The following MAP3K1 variants were observed in gnomAD, a reference collection of about 807,000 sequenced individuals.
The protein encoded by MAP3K1 is MAP/ERK kinase kinase 1.
A neutral mutation model predicts 144.2 loss-of-function variants in MAP3K1; 36 were observed. That is an observed-to-expected ratio of 0.25 (90% CI 0.19 to 0.33). MAP3K1 has a LOEUF of 0.33. Among genes scored for constraint, MAP3K1 ranks in the 10% least tolerant of loss-of-function variants. The probability of loss-of-function intolerance (pLI) is 1.00; values close to 1 mark genes in which losing one functional copy is unlikely to be tolerated. For missense variants in MAP3K1, 1,650 were observed against 1,881.9 expected, an observed-to-expected ratio of 0.88 and a Z score of 2.28; for synonymous variants, 718 against 688.7, an observed-to-expected ratio of 1.04 and a Z score of -0.67.
chr5:56,865,232 A>T, intron 4 of MAP3K1, 108 bp from the exon 5 acceptor site: 2 of 736,538 alleles, frequency 2.7e-6, no homozygotes, highest in Non-Finnish European at 4.8e-6. Context: ...ATATGAATTA[A>T]TAGAAACTTT....
At chr5:56,884,059 G>T (rs2111952764) in intron 15 of MAP3K1, among the ~76,000 whole-genome samples, 1 of 152,216 alleles carries the variant, frequency 6.6e-6, no homozygotes, top group Non-Finnish European at 1.5e-5. Flanking sequence ...TGAGACAGAA[G>T]AATTGCTTGA....
At position 56,815,757 on chromosome 5, in the gene MAP3K1, C is replaced by T. The variant is rs1192199995; in HGVS notation, c.184C>T (p.Leu62=). 5 of 1,377,770 alleles carry T rather than the reference C, an allele frequency of 3.6e-6. No homozygotes were observed. The highest frequency in any genetic ancestry group is 1.5e-5 in the African/African-American group (1 of 67,138). The allele number at this position is 1,377,770 out of a possible 1,614,324, so 85.3% of individuals were successfully genotyped here. A position where few individuals can be genotyped will look rare whatever the true frequency, so the allele number is the denominator to read the frequency against. ...GCGGGCGGACTGGCGGCGGCGGCAGCTGCGCAAAGTGCGGAGTGTGGAGCT... is the reference window on the plus strand; with the variant it reads ...GCGGGCGGACTGGCGGCGGCGGCAGTTGCGCAAAGTGCGGAGTGTGGAGCT... ...RERADWRRRQ[L]RKVRSVELDQ... is the part of the protein sequence containing the mutation. Residue 62 remains leucine, a synonymous_variant, in exon 1 of 20, where the codon CTG becomes TTG. Coordinates refer to ENST00000399503, the MANE Select transcript of MAP3K1 (RefSeq NM_005921.2).
At chr5:56,844,099 T>C (rs920701733) in intron 1 of MAP3K1, among the ~76,000 whole-genome samples, 5 of 151,560 alleles carry the variant, frequency 3.3e-5, no homozygotes, top group Admixed American at 6.6e-5. Flanking sequence ...CTGTGATAAA[T>C]AAAGCCAACT....
chr5:56,848,156 A>G (rs1169158294), intron 1 of MAP3K1, among the ~76,000 whole-genome samples: 2 of 152,074 alleles, frequency 1.3e-5, no homozygotes, highest in Non-Finnish European at 2.9e-5. Flanking sequence ...GATACTGACT[A>G]GTAGCTCTCT....
chr5:56,886,166 G>C, intron 17 of MAP3K1, 103 bp downstream of exon 17: 1 of 873,522 alleles, frequency 1.1e-6, no homozygotes, highest in Non-Finnish European at 1.9e-6. Flanking sequence ...TACTTTGGGA[G>C]GTGAAGGCAG....
At chr5:56,870,125 T>A (rs1433353056) in intron 6 of MAP3K1, among the ~76,000 whole-genome samples, 1 of 152,114 alleles carries the variant, frequency 6.6e-6, no homozygotes, top group Non-Finnish European at 1.5e-5. Context: ...AAATTAGAAT[T>A]AAAAAAATTA....
At chr5:56,860,698 C>T (rs1253811907) in intron 3 of MAP3K1, among the ~76,000 whole-genome samples, 1 of 151,926 alleles carries the variant, frequency 6.6e-6, no homozygotes, top group Non-Finnish European at 1.5e-5. Flanking sequence ...ACTAAAAATA[C>T]AGAAATTAGC....
At position 56,841,694 on chromosome 5, in the gene MAP3K1, C is replaced by T. The variant is rs184097972; in HGVS notation, c.483-14906C>T. Reference sequence around the variant, plus strand: ...AGGAATAATATTGATGTGGCAGTGGCGATAAATGAATTGTATGTTCACACT... The same window carrying T: ...AGGAATAATATTGATGTGGCAGTGGTGATAAATGAATTGTATGTTCACACT... On this transcript the variant is annotated intron_variant, in intron 1 of 19. Transcript: ENST00000399503. 6.0e-3 allele frequency among the ~76,000 whole-genome samples: 916 copies of T among 152,228 alleles called. 4 individuals carry two copies. Among genetic ancestry groups the T allele is most frequent in the Non-Finnish European group, 9.3e-3 (632 of 68,018 alleles).
At chr5:56,887,735 T>C (rs1748426964) in intron 18 of MAP3K1, 4 of 556,214 alleles carry the variant, frequency 7.2e-6, no homozygotes, top group South Asian at 6.1e-5. Context: ...TAGATTTACT[T>C]AACGGCTGTT....
At chr5:56,835,720 A>G in intron 1 of MAP3K1, among the ~76,000 whole-genome samples, 1 of 151,842 alleles carries the variant, frequency 6.6e-6, no homozygotes, top group East Asian at 1.9e-4. Flanking sequence ...TTTTAAGATA[A>G]AAAGGGGGGG....
chr5:56,890,232 A>G (rs1479110253), intron 19 of MAP3K1, among the ~76,000 whole-genome samples: 2 of 152,174 alleles, frequency 1.3e-5, no homozygotes, highest in Non-Finnish European at 1.5e-5. Context: ...ACTCATGGCT[A>G]GGATCAATTT....
At chr5:56,831,740 A>G (rs576500186) in intron 1 of MAP3K1, among the ~76,000 whole-genome samples, 3 of 152,292 alleles carry the variant, frequency 2.0e-5, no homozygotes, top group African/African-American at 7.2e-5. Flanking sequence ...TTGACCTCAC[A>G]AGAGTTAAGG....
intron 6 of MAP3K1, among the ~76,000 whole-genome samples, chr5:56,866,596 G>C (rs561180540): frequency 6.6e-6 from 1 of 152,136 alleles, no homozygotes; most frequent in East Asian, 1.9e-4. Flanking sequence ...ATCCACAAAG[G>C]AGTGCTGCTT....
At chr5:56,840,585 A>G (rs1474686620) in intron 1 of MAP3K1, among the ~76,000 whole-genome samples, 1 of 152,216 alleles carries the variant, frequency 6.6e-6, no homozygotes, top group East Asian at 1.9e-4. Flanking sequence ...TTAATATTGT[A>G]TCCCAGCTTT....
chr5:56,830,666 C>T (rs1483650814), intron 1 of MAP3K1, among the ~76,000 whole-genome samples: 1 of 152,084 alleles, frequency 6.6e-6, no homozygotes, highest in East Asian at 1.9e-4. Context: ...TGTGTGTAAT[C>T]AGATGCTGTC....
intron 1 of MAP3K1, among the ~76,000 whole-genome samples, chr5:56,836,326 T>G (rs1370721364): frequency 4.6e-5 from 2 of 43,422 alleles, no homozygotes; most frequent in East Asian, 4.1e-4. Context: ...TGTACCTGAC[T>G]ACAGCCAGTC....
intron 1 of MAP3K1, among the ~76,000 whole-genome samples, chr5:56,829,624 A>G (rs1746428741): frequency 6.6e-6 from 1 of 152,066 alleles, no homozygotes; most frequent in East Asian, 1.9e-4. Context: ...TTCTGCCCCA[A>G]CCCATGCTAG....
chr5:56,893,735 A>AG lies in MAP3K1; in HGVS notation c.*55_*56insG, dbSNP rs1410987137. The AG allele has an allele frequency of 6.3e-7, 1 of 1,590,190 alleles. No individual in the cohort carries two copies. Among genetic ancestry groups the AG allele is most frequent in the Admixed American group, 1.7e-5 (1 of 59,290 alleles). ...CAGGATGCTCAACAAGAGAAAAAAA[A>AG]CTTGTGGGGAACCACATTGATATTC... is the stretch of plus-strand genomic sequence containing the variant. On this transcript the variant is annotated 3_prime_UTR_variant, in exon 20 of 20. Transcript: ENST00000399503.
At chr5:56,860,696 T>C (rs1747480508) in intron 3 of MAP3K1, among the ~76,000 whole-genome samples, 1 of 151,732 alleles carries the variant, frequency 6.6e-6, no homozygotes, top group Non-Finnish European at 1.5e-5. Flanking sequence ...CTACTAAAAA[T>C]ACAGAAATTA....
Sources: gnomAD v4.1 joint callset for allele counts (sites outside exome capture counted in the v4.1 genomes callset) on GRCh38, gnomAD v4.1.1 for gene constraint, MANE v1.5 for transcripts, NCBI Gene and HGNC (gene_info 2026-07-23, HGNC 2026-07-21) for gene names.